FANCI: variants seen among roughly 807,000 people sequenced by gnomAD.
FANCI encodes FA complementation group I.
In FANCI, 156 loss-of-function variants were observed where a neutral mutation model predicts 176.1. The observed-to-expected ratio is 0.89, with a 90% CI of 0.78 to 1.01. The LOEUF is 1.01. Ranked by LOEUF, FANCI falls within the 50% of genes least tolerant of loss-of-function variation. The pLI is 0.00. For missense variants in FANCI, 1,678 were observed against 1,534.1 expected (o/e 1.09, Z -1.57); for synonymous variants, 613 against 541.7 (o/e 1.13, Z -1.83).
At chr15:89,269,097 C>G (rs891066410) in intron 10 of FANCI, among the ~76,000 whole-genome samples, 1 of 152,180 alleles carries the variant, frequency 6.6e-6, no homozygotes, top group African/African-American at 2.4e-5. Context: ...AAAGTTAAAA[C>G]ACTACATAGC....
At chr15:89,305,752 C>T in intron 31 of FANCI, 54 bp downstream of exon 31, 1 of 1,552,876 alleles carries the variant, frequency 6.4e-7, no homozygotes, top group Non-Finnish European at 8.9e-7. Flanking sequence ...GGTCAAAATT[C>T]ATATTGGGTC....
chr15:89,265,667 G>C (rs1445028277), intron 9 of FANCI, among the ~76,000 whole-genome samples: 4 of 151,922 alleles, frequency 2.6e-5, no homozygotes, highest in African/African-American at 4.8e-5. Flanking sequence ...GAGATTGCAG[G>C]CATGCGCCAC....
intron 12 of FANCI, among the ~76,000 whole-genome samples, chr15:89,274,761 T>G (rs1349253686): frequency 6.6e-6 from 1 of 151,906 alleles, no homozygotes; most frequent in Non-Finnish European, 1.5e-5. Context: ...TGCTCCACCA[T>G]GCCCAAGTAA....
At chr15:89,287,006 A>C (rs573091439) in intron 18 of FANCI, among the ~76,000 whole-genome samples, 6 of 41,616 alleles carry the variant, frequency 1.4e-4, no homozygotes, top group South Asian at 6.6e-4. Context: ...TTTGAGTCTC[A>C]CTCTGTCACA....
At chr15:89,245,606 G>T (rs1354118088) in intron 1 of FANCI, 1 of 152,094 alleles carries the variant, frequency 6.6e-6, no homozygotes, top group East Asian at 1.9e-4. Flanking sequence ...ATTTATTTAA[G>T]TTCCAGATGG....
chr15:89,269,662 AG>A (rs772264385), intron 10 of FANCI, among the ~76,000 whole-genome samples: 9 of 152,214 alleles, frequency 5.9e-5, no homozygotes, highest in South Asian at 4.1e-4. Flanking sequence ...CAGGCCATGC[AG>A]GTTCTGTCAC....
At chr15:89,285,992 T>C (rs2053800629) in intron 18 of FANCI, among the ~76,000 whole-genome samples, 1 of 151,956 alleles carries the variant, frequency 6.6e-6, no homozygotes, top group Non-Finnish European at 1.5e-5. Flanking sequence ...CTTAGTTTTT[T>C]TTTTTCTTTG....
At chr15:89,276,217 T>C (rs932223627) in intron 12 of FANCI, among the ~76,000 whole-genome samples, 5 of 152,246 alleles carry the variant, frequency 3.3e-5, no homozygotes, top group Non-Finnish European at 7.3e-5. Flanking sequence ...ATGCTGTTGA[T>C]ACCAGATCAC....
intron 24 of FANCI, among the ~76,000 whole-genome samples, chr15:89,296,415 GT>G (rs552630792): frequency 1.1e-4 from 12 of 109,396 alleles, no homozygotes; most frequent in Admixed American, 1.7e-4. Context: ...TTGTTTTTTC[GT>G]TTTTTTTGTT....
At chr15:89,299,180 A>C (rs1193794904) in intron 24 of FANCI, among the ~76,000 whole-genome samples, 1 of 152,048 alleles carries the variant, frequency 6.6e-6, no homozygotes, top group Non-Finnish European at 1.5e-5. Flanking sequence ...AAAAAAAAAA[A>C]AAAAACCTGA....
chr15:89,288,904 G>C (rs545872511), intron 18 of FANCI, among the ~76,000 whole-genome samples: 1 of 151,734 alleles, frequency 6.6e-6, no homozygotes, highest in East Asian at 1.9e-4. Flanking sequence ...GTCTTCCAAA[G>C]TGCTGGGATT....
intron 27 of FANCI, 35 bp from the exon 28 acceptor site, chr15:89,303,829 A>C: frequency 6.3e-7 from 1 of 1,590,230 alleles, no homozygotes; most frequent in Non-Finnish European, 8.6e-7. Flanking sequence ...TATCTCTGGC[A>C]TGTTTCTTTA....
Position 89,300,352 on chromosome 15 carries a change from T to A in FANCI, c.2856T>A (p.Thr952=), listed in dbSNP as rs368915464. The change falls in exon 26 of 38, where the codon ACT becomes ACA. Residue 952 remains threonine, a synonymous_variant. Transcript: ENST00000310775. ...EEREDADVSV[T]QRTAFQIRQF... ...GAGAAGATGCAGATGTCAGTGTCAC[T>A]CAGAGAACAGCATTCCAGATCCGGC... is the stretch of plus-strand genomic sequence containing the variant. 7.7e-5 allele frequency: 124 copies of A among 1,613,902 alleles called. 1 individual carries two copies. The highest frequency in any genetic ancestry group is 9.3e-5 in the Non-Finnish European group (110 of 1,179,940).
intron 1 of FANCI, among the ~76,000 whole-genome samples, chr15:89,246,534 G>C (rs1005292203): frequency 4.6e-5 from 7 of 151,878 alleles, no homozygotes; most frequent in Non-Finnish European, 1.0e-4. Context: ...TTCTACCTCA[G>C]CCATTTTACT....
chr15:89,286,352 A>G (rs1056397869), intron 18 of FANCI, among the ~76,000 whole-genome samples: 2 of 152,218 alleles, frequency 1.3e-5, no homozygotes, highest in Non-Finnish European at 2.9e-5. Flanking sequence ...TCAACAGTTT[A>G]CTGAACGTCT....
chr15:89,260,694 C>A lies in FANCI; in HGVS notation c.158-19C>A, dbSNP rs762350003. The A allele has an allele frequency of 5.0e-6, 8 of 1,612,734 alleles. 1 individual carries two copies. The highest frequency in any genetic ancestry group is 6.8e-6 in the Non-Finnish European group (8 of 1,179,268). On this transcript the variant is annotated intron_variant, in intron 3 of 37. Transcript: ENST00000310775. ...ATGTTGTAAGACTTGTTTCTGAACC[C>A]CCTGTTTAAAACAATAAGGTTCCCC...
At chr15:89,261,490 A>T in intron 4 of FANCI, 95 bp from the exon 5 acceptor site, 2 of 1,479,020 alleles carry the variant, frequency 1.4e-6, no homozygotes, top group Non-Finnish European at 1.9e-6. Flanking sequence ...GATCTCGGTC[A>T]ATTCATTTAT....
chr15:89,257,499 C>T (rs994195979), intron 2 of FANCI, among the ~76,000 whole-genome samples: 4 of 152,144 alleles, frequency 2.6e-5, no homozygotes, highest in African/African-American at 9.7e-5. Context: ...GGTTTGTTGG[C>T]AACCTTTAGC....
At chr15:89,313,293 G>A (rs931980735) in intron 35 of FANCI, among the ~76,000 whole-genome samples, 2 of 152,098 alleles carry the variant, frequency 1.3e-5, no homozygotes, top group Non-Finnish European at 2.9e-5. Context: ...GAATTGTATG[G>A]TATATGAATT....
Sources: allele counts gnomAD v4.1 joint callset (sites outside exome capture counted in the v4.1 genomes callset), GRCh38; gene constraint gnomAD v4.1.1; transcripts MANE v1.5; gene names NCBI Gene and HGNC (gene_info 2026-07-23, HGNC 2026-07-21).